The following ULK4 variants were observed in gnomAD, a reference collection of about 807,000 sequenced individuals.
ULK4 encodes the protein inactive serine/threonine-protein kinase ULK4.
A neutral mutation model predicts 160.6 loss-of-function variants in ULK4; 133 were observed. The observed-to-expected ratio is 0.83, with a 90% CI of 0.72 to 0.96. ULK4 has a LOEUF of 0.96. Ranked by LOEUF, ULK4 falls within the 40% of genes least tolerant of loss-of-function variation. ULK4 has a pLI of 0.00. For missense variants in ULK4, 1,580 were observed against 1,499.5 expected, an observed-to-expected ratio of 1.05 and a Z score of -0.89; for synonymous variants, 534 against 539.8, an observed-to-expected ratio of 0.99 and a Z score of 0.15.
At position 41,442,193 on chromosome 3, in the gene ULK4, G is replaced by A. The variant is rs181682816; in HGVS notation, c.3492+13304C>T. 1.3e-4 allele frequency among the ~76,000 whole-genome samples: 20 copies of A among 152,276 alleles called. No homozygotes were observed. The East Asian group carries it at 3.1e-3, about 24-fold the overall frequency. Reference sequence around the variant, plus strand: ...AAAGGGGTATCACTGATTTATTAGAGAGAGAGTATTAGGGAGCCAGGACAG... The same window carrying A: ...AAAGGGGTATCACTGATTTATTAGAAAGAGAGTATTAGGGAGCCAGGACAG... On this transcript the variant is annotated intron_variant, in intron 34 of 36. Transcript: ENST00000301831.
chr3:41,756,639 G>A (rs962567630), intron 21 of ULK4, among the ~76,000 whole-genome samples: 41 of 152,230 alleles, frequency 2.7e-4, no homozygotes, highest in African/African-American at 9.6e-4. Context: ...TAAGGAAGCT[G>A]GTCAGAGGCC....
chr3:41,845,584 T>G (rs1338289760), intron 17 of ULK4, among the ~76,000 whole-genome samples: 1 of 152,196 alleles, frequency 6.6e-6, no homozygotes, highest in African/African-American at 2.4e-5. Flanking sequence ...CTTGCAGTGA[T>G]GAAACTCTTC....
At chr3:41,554,570 G>T (rs774719683) in intron 32 of ULK4, among the ~76,000 whole-genome samples, 1 of 152,100 alleles carries the variant, frequency 6.6e-6, no homozygotes, top group African/African-American at 2.4e-5. Flanking sequence ...GTTGGTAGGC[G>T]GGAGTATACA....
chr3:41,495,703 A>G (rs1239625657), intron 32 of ULK4, among the ~76,000 whole-genome samples: 1 of 151,760 alleles, frequency 6.6e-6, no homozygotes, highest in African/African-American at 2.4e-5. Context: ...AATATCCAGA[A>G]TCTACAATGA....
chr3:41,796,283 T>C lies in ULK4; in HGVS notation c.2010+3849A>G, dbSNP rs2040298614. On this transcript the variant is annotated intron_variant, in intron 20 of 36. Transcript: ENST00000301831. ...GTCTCTCTCTGTCTGAGAAGAGTTC[T>C]ACAAACACAGAAAGAGGGAAGACTA... 2.6e-5 allele frequency among the ~76,000 whole-genome samples: 4 copies of C among 152,080 alleles called. No homozygotes were observed. The South Asian group carries it at 8.3e-4, about 32-fold the overall frequency.
chr3:41,752,754 A>T (rs2038674509), intron 22 of ULK4, among the ~76,000 whole-genome samples: 1 of 152,226 alleles, frequency 6.6e-6, no homozygotes, highest in East Asian at 1.9e-4. Context: ...CACTAAGAGA[A>T]AAACATTTGC....
At chr3:41,405,851 T>C (rs183705018) in intron 34 of ULK4, among the ~76,000 whole-genome samples, 1 of 152,266 alleles carries the variant, frequency 6.6e-6, no homozygotes, top group Admixed American at 6.5e-5. Flanking sequence ...GCTTTTTCAA[T>C]TGTTTAAGTT....
intron 30 of ULK4, among the ~76,000 whole-genome samples, chr3:41,653,035 C>G (rs1370822558): frequency 6.6e-6 from 1 of 152,152 alleles, no homozygotes; most frequent in Non-Finnish European, 1.5e-5. Flanking sequence ...CTTTGATATC[C>G]TGGGGTTTTA....
chr3:41,826,744 G>C (rs1366662742), intron 18 of ULK4, among the ~76,000 whole-genome samples: 18 of 149,868 alleles, frequency 1.2e-4, no homozygotes, highest in Admixed American at 1.1e-3. Context: ...ACATTAGACA[G>C]ATCAACGAGA....
chr3:41,444,080 C>T (rs1335140544), intron 34 of ULK4, among the ~76,000 whole-genome samples: 1 of 152,212 alleles, frequency 6.6e-6, no homozygotes, highest in Non-Finnish European at 1.5e-5. Context: ...GGAATGACGA[C>T]ATTAAAAGGC....
intron 32 of ULK4, among the ~76,000 whole-genome samples, chr3:41,472,337 G>C (rs913468842): frequency 1.3e-5 from 2 of 152,102 alleles, no homozygotes; most frequent in African/African-American, 2.4e-5. Flanking sequence ...GGGAGGCCAA[G>C]GCAGGCAGAT....
chr3:41,595,381 C>T (rs751898986), intron 31 of ULK4, among the ~76,000 whole-genome samples: 26 of 152,184 alleles, frequency 1.7e-4, no homozygotes, highest in Non-Finnish European at 3.4e-4. Flanking sequence ...GGCTGGCCAG[C>T]CTCTCGGGGC....
At chr3:41,396,307 T>C (rs562300950) in intron 35 of ULK4, among the ~76,000 whole-genome samples, 2 of 146,292 alleles carry the variant, frequency 1.4e-5, no homozygotes, top group South Asian at 2.2e-4. Flanking sequence ...ATAAGTACCA[T>C]GCCAAAAAGA....
intron 31 of ULK4, among the ~76,000 whole-genome samples, chr3:41,614,581 G>C (rs904379622): frequency 3.3e-5 from 5 of 151,928 alleles, no homozygotes; most frequent in African/African-American, 9.7e-5. Context: ...CTCAGTCCAG[G>C]CTCTAACCTT....
chr3:41,492,080 C>T (rs1480417712), intron 32 of ULK4, among the ~76,000 whole-genome samples: 2 of 151,490 alleles, frequency 1.3e-5, no homozygotes, highest in African/African-American at 4.8e-5. Flanking sequence ...TTTATGGCTG[C>T]ATAGTATTCC....
chr3:41,605,271 G>A (rs957937475), intron 31 of ULK4, among the ~76,000 whole-genome samples: 3 of 151,742 alleles, frequency 2.0e-5, no homozygotes, highest in South Asian at 2.1e-4. Context: ...ATCAAAAATT[G>A]TATTAAATAA....
rs555511024 is a variant in ULK4, at chr3:41,690,368, C to A, written c.2782-8564G>T. On this transcript the variant is annotated intron_variant, in intron 27 of 36. Coordinates refer to ENST00000301831, the MANE Select transcript of ULK4 (RefSeq NM_017886.4). Reference sequence around the variant, plus strand: ...ATGACGAGTTAATGGGTGCAGCACACCAGCATGGCACATGTATACATATGT... The same window carrying A: ...ATGACGAGTTAATGGGTGCAGCACAACAGCATGGCACATGTATACATATGT... 1.8e-4 allele frequency among the ~76,000 whole-genome samples: 28 copies of A among 151,358 alleles called. No individual in the cohort carries two copies. The East Asian group carries it at 3.7e-3, about 20-fold the overall frequency.
intron 29 of ULK4, among the ~76,000 whole-genome samples, chr3:41,671,784 A>T (rs75261517): frequency 0.089 from 13,573 of 152,082 alleles, 1,213 homozygotes; most frequent in African/African-American, 0.23. Flanking sequence ...GAAGAGATAA[A>T]CTGCTTACTG....
chr3:41,277,647 A>G (rs1186438444), intron 35 of ULK4, among the ~76,000 whole-genome samples: 1 of 152,194 alleles, frequency 6.6e-6, no homozygotes, highest in Non-Finnish European at 1.5e-5. Flanking sequence ...CATAATACTG[A>G]ATGGGGAAAA....
Sources: allele counts gnomAD v4.1 joint callset (sites outside exome capture counted in the v4.1 genomes callset), GRCh38; gene constraint gnomAD v4.1.1; transcripts MANE v1.5; gene names NCBI Gene and HGNC (gene_info 2026-07-23, HGNC 2026-07-21).